The following CAMK2A variants were observed in gnomAD, a reference collection of about 807,000 sequenced individuals.
The protein encoded by CAMK2A is calcium/calmodulin-dependent protein kinase type II subunit alpha.
A neutral mutation model predicts 79.2 loss-of-function variants in CAMK2A; 7 were observed. The ratio of observed to expected loss-of-function variants is 0.09; its 90% confidence interval spans 0.05 to 0.17. CAMK2A has a LOEUF of 0.17. CAMK2A is among the 10% of genes least tolerant of loss of function. The probability of loss-of-function intolerance (pLI) is 1.00; values close to 1 mark genes in which losing one functional copy is unlikely to be tolerated. For synonymous variants in CAMK2A, 242 were observed against 251.7 expected (o/e 0.96, Z 0.36); for missense variants, 214 against 646.4 (o/e 0.33, Z 7.25).
rs541049213 is a variant in CAMK2A, at chr5:150,239,815, GGT to G, written c.985-81_985-80del. On this transcript the variant is annotated intron_variant, in intron 13 of 18. Transcript: ENST00000671881. ...CAGGGAGCAGAGGAACGACAGGGGA[GGT>G]TTGGGAGGAGGATGGGCCTCGGGGT... 4,614 of 1,256,616 alleles carry G rather than the reference GGT, an allele frequency of 3.7e-3. 11 individuals carry two copies. The highest frequency in any genetic ancestry group is 5.0e-3 in the Non-Finnish European group (4,253 of 854,508). 77.8% of individuals were successfully genotyped at this position (1,256,616 alleles called of 1,614,324 possible).
intron 2 of CAMK2A, among the ~76,000 whole-genome samples, chr5:150,267,650 C>T (rs999330842): frequency 6.6e-6 from 1 of 152,096 alleles, no homozygotes; most frequent in Non-Finnish European, 1.5e-5. Context: ...ACTCTGTTTG[C>T]AGTGTTTTCA....
intron 12 of CAMK2A, among the ~76,000 whole-genome samples, chr5:150,246,585 G>A (rs1034546393): frequency 3.9e-5 from 6 of 152,272 alleles, no homozygotes; most frequent in East Asian, 1.9e-4. Context: ...CTCACAGGCC[G>A]CCATTTTGTG....
Position 150,220,459 on chromosome 5 carries a change from C to T in CAMK2A, c.*2251G>A, listed in dbSNP as rs1252167451. Reference sequence around the variant, plus strand: ...GTAAATTAGGCTTCACATAGCCAGACGTTTGCTCCTTCATCGGCTGGATGG... The same window carrying T: ...GTAAATTAGGCTTCACATAGCCAGATGTTTGCTCCTTCATCGGCTGGATGG... On this transcript the variant is annotated 3_prime_UTR_variant, in exon 19 of 19. Transcript: ENST00000671881. 1 of 152,396 alleles carries T rather than the reference C, an allele frequency of 6.6e-6. No individual in the cohort carries two copies. Among genetic ancestry groups the T allele is most frequent in the Non-Finnish European group, 1.5e-5 (1 of 68,062 alleles). The allele number at this position is 152,396 out of a possible 1,614,324, so 9.4% of individuals were successfully genotyped here.
At chr5:150,229,969 CCTT>C (rs1040959991) in intron 16 of CAMK2A, among the ~76,000 whole-genome samples, 15 of 152,278 alleles carry the variant, frequency 9.9e-5, no homozygotes, top group Admixed American at 5.2e-4. Context: ...GAGCCAGTGA[CCTT>C]CTAGGGGGCT....
intron 13 of CAMK2A, among the ~76,000 whole-genome samples, chr5:150,244,285 C>G (rs149421119): frequency 1.3e-5 from 2 of 152,202 alleles, no homozygotes; most frequent in African/African-American, 4.8e-5. Context: ...CAGACCAAAA[C>G]CAGCGGCCAG....
chr5:150,278,647 G>A (rs748838009), intron 1 of CAMK2A, among the ~76,000 whole-genome samples: 20 of 152,102 alleles, frequency 1.3e-4, no homozygotes, highest in Non-Finnish European at 1.9e-4. Flanking sequence ...GAGCTGTGGC[G>A]GATGGCCATG....
At chr5:150,275,044 C>T (rs1346221686) in intron 1 of CAMK2A, among the ~76,000 whole-genome samples, 5 of 152,204 alleles carry the variant, frequency 3.3e-5, no homozygotes, top group Admixed American at 6.5e-5. Flanking sequence ...GGCTTCATGT[C>T]TGGGCAGCAG....
rs186399006 is a variant in CAMK2A at position 150,220,397 on chromosome 5, G to A, written c.*2313C>T. ...CCTGACCAGGTCTAGAAGTAAACAG[G>A]AGTCCAGCCAGTGACTATCCCTGCC... On this transcript the variant is annotated 3_prime_UTR_variant, in exon 19 of 19. Transcript: ENST00000671881. The A allele has an allele frequency of 3.3e-5, 5 of 152,446 alleles. No homozygotes were observed. Among genetic ancestry groups the A allele is most frequent in the Non-Finnish European group, 7.3e-5 (5 of 68,032 alleles). The allele number at this position is 152,446 out of a possible 1,614,324, so 9.4% of individuals were successfully genotyped here.
At chr5:150,267,835 C>A (rs1051384674) in intron 2 of CAMK2A, among the ~76,000 whole-genome samples, 2 of 151,562 alleles carry the variant, frequency 1.3e-5, no homozygotes, top group African/African-American at 4.8e-5. Flanking sequence ...AGGCCTCTAC[C>A]CCTGCATCTT....
intron 12 of CAMK2A, among the ~76,000 whole-genome samples, chr5:150,245,699 A>C (rs1049013850): frequency 6.6e-6 from 1 of 152,188 alleles, no homozygotes; most frequent in Non-Finnish European, 1.5e-5. Context: ...CAGTGACAAG[A>C]AGCAGATGCC....
At chr5:150,268,194 T>C (rs1292499129) in intron 2 of CAMK2A, among the ~76,000 whole-genome samples, 1 of 152,094 alleles carries the variant, frequency 6.6e-6, no homozygotes, top group African/African-American at 2.4e-5. Flanking sequence ...AAAACATCAA[T>C]TAAATCCTGT....
chr5:150,256,759 C>A lies in CAMK2A; in HGVS notation c.338+7G>T. 1.2e-6 allele frequency: 2 copies of A among 1,613,534 alleles called. No homozygotes were observed. The highest frequency in any genetic ancestry group is 1.1e-5 in the South Asian group (1 of 91,064). ...GGTGCCATTGCCAGGCAGCACCTGA[C>A]ACTCACCTGGCATCCGCCTCACTGT... On this transcript the variant is annotated splice_region_variant and intron_variant, in intron 5 of 18. Transcript: ENST00000671881. The surrounding 1 kb of genome is among the most constrained non-coding windows in gnomAD (Gnocchi z 4.6).
chr5:150,239,460 C>A (rs1755242470), intron 14 of CAMK2A, among the ~76,000 whole-genome samples: 1 of 152,322 alleles, frequency 6.6e-6, no homozygotes, highest in Non-Finnish European at 1.5e-5. Context: ...CACCTTCACA[C>A]CCGAGGAGGA....
chr5:150,277,225 T>C (rs1756986343), intron 1 of CAMK2A, among the ~76,000 whole-genome samples: 1 of 152,044 alleles, frequency 6.6e-6, no homozygotes, highest in South Asian at 2.1e-4. Context: ...AAAGAAAAAA[T>C]AAGCAGATTC....
At chr5:150,270,753 G>A (rs1045538709) in intron 2 of CAMK2A, among the ~76,000 whole-genome samples, 5 of 151,950 alleles carry the variant, frequency 3.3e-5, no homozygotes, top group Non-Finnish European at 2.9e-5. Context: ...CACCTAGGCC[G>A]GGCCACCTTC....
At chr5:150,245,677 G>T (rs1050193215) in intron 12 of CAMK2A, among the ~76,000 whole-genome samples, 7 of 152,158 alleles carry the variant, frequency 4.6e-5, no homozygotes, top group African/African-American at 1.7e-4. Context: ...ACAGCTGCAG[G>T]CTGCGTCTTG....
rs969589578 is a variant in CAMK2A, at chr5:150,222,124, G to A, written c.*586C>T. 1.9e-4 allele frequency: 42 copies of A among 225,078 alleles called. No homozygotes were observed. Among genetic ancestry groups the A allele is most frequent in the Non-Finnish European group, 1.1e-4 (12 of 112,290 alleles). 13.9% of individuals were successfully genotyped at this position (225,078 alleles called of 1,614,324 possible). A position where few individuals can be genotyped will look rare whatever the true frequency, so the allele number is the denominator to read the frequency against. ...CTGAGAGGGCCACATCCCCCACACC[G>A]AGGGAAGGGTCAGACCACCCTGAGG... On this transcript the variant is annotated 3_prime_UTR_variant, in exon 19 of 19. Coordinates refer to ENST00000671881, the MANE Select transcript of CAMK2A (RefSeq NM_015981.4).
rs547567479 is a variant in CAMK2A, at chr5:150,228,349, T to C, written c.1143-63A>G. On this transcript the variant is annotated intron_variant, in intron 16 of 18. Coordinates refer to ENST00000671881, the MANE Select transcript of CAMK2A (RefSeq NM_015981.4). ...GGCTTCTCATTGGACCCTTGGAGGGTGAGCCTGTGAAATAGGAATGATTGC... is the reference window on the plus strand; with the variant it reads ...GGCTTCTCATTGGACCCTTGGAGGGCGAGCCTGTGAAATAGGAATGATTGC... 1,307 of 1,169,304 alleles carry C rather than the reference T, an allele frequency of 1.1e-3. 2 individuals are homozygous for C. The highest frequency in any genetic ancestry group is 1.4e-3 in the Non-Finnish European group (1,149 of 797,136). 72.4% of individuals were successfully genotyped at this position (1,169,304 alleles called of 1,614,324 possible).
intron 2 of CAMK2A, among the ~76,000 whole-genome samples, chr5:150,271,261 T>C (rs73796388): frequency 0.048 from 7,320 of 152,260 alleles, 567 homozygotes; most frequent in African/African-American, 0.16. Flanking sequence ...TCATACTGAC[T>C]GTATAGCACG....
Sources: gnomAD v4.1 joint callset for allele counts (sites outside exome capture counted in the v4.1 genomes callset) on GRCh38, gnomAD v4.1.1 for gene constraint, Gnocchi (gnomAD v3.1) non-coding constraint, MANE v1.5 for transcripts, NCBI Gene and HGNC (gene_info 2026-07-23, HGNC 2026-07-21) for gene names.